Variants in ARHGAP1 observed in about 807,000 individuals in gnomAD.
ARHGAP1 encodes rho GTPase-activating protein 1.
In ARHGAP1, 23 loss-of-function variants were observed where a neutral mutation model predicts 52.2. That is an observed-to-expected ratio of 0.44 (90% CI 0.32 to 0.62). The LOEUF is 0.62. Ranked by LOEUF, ARHGAP1 falls within the 20% of genes least tolerant of loss-of-function variation. The pLI, the probability that ARHGAP1 is intolerant of heterozygous loss-of-function variation, is 0.05. For synonymous variants in ARHGAP1, 210 were observed against 228.4 expected, an observed-to-expected ratio of 0.92 and a Z score of 0.73; for missense variants, 480 against 560.9, an observed-to-expected ratio of 0.86 and a Z score of 1.46.
chr11:46,683,075 G>A (rs1293283725), intron 4 of ARHGAP1, among the ~76,000 whole-genome samples: 2 of 114,462 alleles, frequency 1.7e-5, no homozygotes, highest in Non-Finnish European at 3.4e-5. Flanking sequence ...GGGTCTTACT[G>A]TCACCCAGGC....
intron 4 of ARHGAP1, among the ~76,000 whole-genome samples, chr11:46,684,251 C>T (rs2064551703): frequency 6.6e-6 from 1 of 152,184 alleles, no homozygotes; most frequent in African/African-American, 2.4e-5. Context: ...AAAGAGATTG[C>T]ATTTTGCAAC....
chr11:46,680,488 G>A lies in ARHGAP1; in HGVS notation c.819C>T (p.His273=), dbSNP rs1182276493. ...LRETVAYLQA[H]ALTTEGIFRR... ...TGAGGAGGCAGGCCCGGCACTCACC[G>A]TGGGCCTGTAAGTAGGCAACAGTCT... Residue 273 remains histidine (H), a splice_region_variant and synonymous_variant, in exon 9 of 13, where the codon CAC becomes CAT. Transcript: ENST00000311956. This position sits in a 1 kb window ranked among gnomAD's most constrained non-coding sequence, Gnocchi z 5.9. 5.0e-6 allele frequency: 8 copies of A among 1,613,720 alleles called. No individual in the cohort carries two copies. Among genetic ancestry groups the A allele is most frequent in the South Asian group, 2.2e-5 (2 of 91,086 alleles).
chr11:46,683,236 T>A (rs1479177635), intron 4 of ARHGAP1, among the ~76,000 whole-genome samples: 1 of 151,946 alleles, frequency 6.6e-6, no homozygotes, highest in Non-Finnish European at 1.5e-5. Flanking sequence ...TAGAGACAGG[T>A]CTCACTATGT....
intron 3 of ARHGAP1, 21 bp downstream of exon 3, chr11:46,695,639 A>G (rs1565690607): frequency 2.6e-6 from 4 of 1,550,272 alleles, no homozygotes; most frequent in South Asian, 2.4e-5. Flanking sequence ...GGGTTAGGAA[A>G]ATAGTGTTGG....
Position 46,680,506 on chromosome 11 carries a change from AAC to A in ARHGAP1, c.799_800del (p.Val267CysfsTer43). ...ACTCACCGTGGGCCTGTAAGTAGGC[AAC>A]AGTCTCCCTGAGTACAATGGGAATG... ...EPIPIVLRET[V>X]AYLQAHALTT... On this transcript the variant is annotated frameshift_variant, in exon 9 of 13. Transcript: ENST00000311956. LOFTEE classifies it high-confidence loss of function. The surrounding 1 kb of genome is among the most constrained non-coding windows in gnomAD (Gnocchi z 5.9). 6.2e-7 allele frequency: 1 copy of A among 1,614,024 alleles called. No homozygotes were observed. Among genetic ancestry groups the A allele is most frequent in the Non-Finnish European group, 8.5e-7 (1 of 1,179,980 alleles).
chr11:46,695,763 A>C lies in ARHGAP1; in HGVS notation c.134-8T>G. 6.4e-7 allele frequency: 1 copy of C among 1,552,692 alleles called. No individual in the cohort carries two copies. The highest frequency in any genetic ancestry group is 8.7e-7 in the Non-Finnish European group (1 of 1,147,406). On this transcript the variant is annotated splice_polypyrimidine_tract_variant and splice_region_variant and intron_variant, in intron 2 of 12. Transcript: ENST00000311956. ...AGCTGCTTTTGGAGTCATCTGAGGA[A>C]CACAGCAGGGTCAGGGGACAAGCCA...
In ARHGAP1 at chr11:46,679,889, C is replaced by T; in HGVS notation, c.899-113G>A. On this transcript the variant is annotated intron_variant, in intron 10 of 12. Coordinates refer to ENST00000311956, the MANE Select transcript of ARHGAP1 (RefSeq NM_004308.5). The surrounding 1 kb of genome is among the most constrained non-coding windows in gnomAD (Gnocchi z 4.4). ...CCCCTGGACACTGCATAAGCCCCTC[C>T]TCCCAGGGGCGCCCTCTGACACCTG... 1.4e-6 allele frequency: 2 copies of T among 1,478,910 alleles called. No homozygotes were observed. Among genetic ancestry groups the T allele is most frequent in the Non-Finnish European group, 1.8e-6 (2 of 1,106,644 alleles). 91.6% of individuals were successfully genotyped at this position (1,478,910 alleles called of 1,614,324 possible). A position where few individuals can be genotyped will look rare whatever the true frequency, so the allele number is the denominator to read the frequency against.
At position 46,681,051 on chromosome 11, in the gene ARHGAP1, C is replaced by T. The variant is rs568708140; in HGVS notation, c.595G>A (p.Val199Met). The change falls in exon 7 of 13, where the codon GTG becomes ATG. Residue 199 changes from valine to methionine, a missense_variant. By Grantham distance (21) the Val-to-Met change is conservative (BLOSUM62 1). Coordinates refer to ENST00000311956, the MANE Select transcript of ARHGAP1 (RefSeq NM_004308.5). The surrounding 1 kb of genome is among the most constrained non-coding windows in gnomAD (Gnocchi z 5.7). ...VNYLSELSEH[V>M]KLEQLGIPRQ... ...GGGATCCCCAGCTGCTCCAGCTTCA[C>T]GTGCTCGCTCAGCTCGCTCAGGTAA... 1.3e-5 allele frequency: 21 copies of T among 1,614,214 alleles called. No individual in the cohort carries two copies. Among genetic ancestry groups the T allele is most frequent in the Non-Finnish European group, 1.5e-5 (18 of 1,180,044 alleles).
In ARHGAP1 at chr11:46,678,703, C is replaced by G. The variant is rs2064499747; in HGVS notation, c.*334G>C. On this transcript the variant is annotated 3_prime_UTR_variant, in exon 13 of 13. Transcript: ENST00000311956. Reference sequence around the variant, plus strand: ...CCCAGCCGGCAGTCATTTGATTCATCCACACTTGCTAGGGAAACAGAGGCA... The same window carrying G: ...CCCAGCCGGCAGTCATTTGATTCATGCACACTTGCTAGGGAAACAGAGGCA... 1 of 295,864 alleles carries G rather than the reference C, an allele frequency of 3.4e-6. No individual in the cohort carries two copies. The highest frequency in any genetic ancestry group is 4.8e-5 in the Admixed American group (1 of 20,654). 18.3% of individuals were successfully genotyped at this position (295,864 alleles called of 1,614,324 possible). A position where few individuals can be genotyped will look rare whatever the true frequency, so the allele number is the denominator to read the frequency against.
chr11:46,680,957 A>C lies in ARHGAP1; in HGVS notation c.635+54T>G. ...CCCCACGCGGTCTCTGAATCAGGAC[A>C]CACGTCCTCATTACCCTGGCTTCAC... is the stretch of plus-strand genomic sequence containing the variant. On this transcript the variant is annotated intron_variant, in intron 7 of 12. Coordinates refer to ENST00000311956, the MANE Select transcript of ARHGAP1 (RefSeq NM_004308.5). The surrounding 1 kb of genome is among the most constrained non-coding windows in gnomAD (Gnocchi z 5.9). 6.7e-7 allele frequency: 1 copy of C among 1,497,190 alleles called. No homozygotes were observed. 92.7% of individuals were successfully genotyped at this position (1,497,190 alleles called of 1,614,324 possible).
Position 46,680,774 on chromosome 11 carries a change from G to C in ARHGAP1, c.636-27C>G. The stretch of plus-strand genomic sequence containing the variant: ...TGTAGGAGTAGAGGGAGGTGGGTCA[G>C]GTCCTGCCTGGCTCTGGAGTCACTC... On this transcript the variant is annotated intron_variant, in intron 7 of 12. Transcript: ENST00000311956. The surrounding 1 kb of genome is among the most constrained non-coding windows in gnomAD (Gnocchi z 5.9). The C allele has an allele frequency of 6.8e-7, 1 of 1,479,608 alleles. No homozygotes were observed. The highest frequency in any genetic ancestry group is 9.1e-7 in the Non-Finnish European group (1 of 1,101,270). The allele number at this position is 1,479,608 out of a possible 1,614,324, so 91.7% of individuals were successfully genotyped here.
chr11:46,679,827 C>T lies in ARHGAP1; in HGVS notation c.899-51G>A. 5 of 1,608,848 alleles carry T rather than the reference C, an allele frequency of 3.1e-6. No homozygotes were observed. Among genetic ancestry groups the T allele is most frequent in the Non-Finnish European group, 4.2e-6 (5 of 1,178,738 alleles). ...GCTCGGCACAGCCTGAAGGGCAGCA[C>T]CCATCTGCAGACAACGCGGGCCGCA... On this transcript the variant is annotated intron_variant, in intron 10 of 12. Coordinates refer to ENST00000311956, the MANE Select transcript of ARHGAP1 (RefSeq NM_004308.5). The surrounding 1 kb of genome is among the most constrained non-coding windows in gnomAD (Gnocchi z 4.4).
chr11:46,682,615 C>A (rs1484752835), intron 4 of ARHGAP1, among the ~76,000 whole-genome samples: 1 of 152,130 alleles, frequency 6.6e-6, no homozygotes, highest in East Asian at 1.9e-4. Flanking sequence ...ACCCAGGAGG[C>A]GGAGGTTTCA....
chr11:46,696,242 C>T lies in ARHGAP1; in HGVS notation c.-49-86G>A. The T allele has an allele frequency of 1.1e-6, 1 of 885,452 alleles. No individual in the cohort carries two copies. The highest frequency in any genetic ancestry group is 1.7e-5 in the South Asian group (1 of 57,822). 54.8% of individuals were successfully genotyped at this position (885,452 alleles called of 1,614,324 possible). Reference sequence around the variant, plus strand: ...CCACCGCGTGCCCTCCTGCCCCCACCATTCCCTCTCCCAGGCTCCCTGTCC... The same window carrying T: ...CCACCGCGTGCCCTCCTGCCCCCACTATTCCCTCTCCCAGGCTCCCTGTCC... On this transcript the variant is annotated intron_variant, in intron 1 of 12. Coordinates refer to ENST00000311956, the MANE Select transcript of ARHGAP1 (RefSeq NM_004308.5). The surrounding 1 kb of genome is among the most constrained non-coding windows in gnomAD (Gnocchi z 4.8).
rs781548772 is a variant in ARHGAP1 at position 46,679,487 on chromosome 11, C to T, written c.1028-19G>A. On this transcript the variant is annotated intron_variant, in intron 11 of 12. Transcript: ENST00000311956. This position sits in a 1 kb window ranked among gnomAD's most constrained non-coding sequence, Gnocchi z 4.4. ...TCAATGTCTATGAGGAAAGGAGGCCCGGGTTATAGGGGCCCTAGGCTGGGC... is the reference window on the plus strand; with the variant it reads ...TCAATGTCTATGAGGAAAGGAGGCCTGGGTTATAGGGGCCCTAGGCTGGGC... 1.4e-5 allele frequency: 22 copies of T among 1,599,970 alleles called. No individual in the cohort carries two copies. The highest frequency in any genetic ancestry group is 9.9e-5 in the South Asian group (9 of 90,858).
rs1275299866 is a variant in ARHGAP1 at position 46,695,646 on chromosome 11, T to C, written c.229+14A>G. 2 of 1,550,814 alleles carry C rather than the reference T, an allele frequency of 1.3e-6. No individual in the cohort carries two copies. The highest frequency in any genetic ancestry group is 1.7e-4 in the Middle Eastern group (1 of 5,988). ...AGCTCTGAGGGTTAGGAAAATAGTGTTGGGTGTGCTTACCTGCCACCTCCA... is the reference window on the plus strand; with the variant it reads ...AGCTCTGAGGGTTAGGAAAATAGTGCTGGGTGTGCTTACCTGCCACCTCCA... On this transcript the variant is annotated intron_variant, in intron 3 of 12. Transcript: ENST00000311956.
At position 46,694,715 on chromosome 11, in the gene ARHGAP1, G is replaced by T. The variant is rs1031222738; in HGVS notation, c.229+945C>A. 7.2e-5 allele frequency among the ~76,000 whole-genome samples: 11 copies of T among 152,224 alleles called. No individual in the cohort carries two copies. The South Asian group carries it at 1.4e-3, about 20-fold the overall frequency. Reference sequence around the variant, plus strand: ...AAAACTCTCAGCTTTGCTTCTGCAGGGGGTGAATGAGGCCAGAGCCAAGGC... The same window carrying T: ...AAAACTCTCAGCTTTGCTTCTGCAGTGGGTGAATGAGGCCAGAGCCAAGGC... On this transcript the variant is annotated intron_variant, in intron 3 of 12. Coordinates refer to ENST00000311956, the MANE Select transcript of ARHGAP1 (RefSeq NM_004308.5).
chr11:46,679,184 G>A lies in ARHGAP1; in HGVS notation c.1173C>T (p.Asn391=), dbSNP rs760794242. The change falls in exon 13 of 13, where the codon AAC becomes AAT. Residue 391 remains asparagine, a synonymous_variant. Transcript: ENST00000311956. This position sits in a 1 kb window ranked among gnomAD's most constrained non-coding sequence, Gnocchi z 4.4. ...HSDQNKMTNT[N]LAVVFGPNLL... is the part of the protein sequence containing the mutation. ...GGTTAGGGCCGAAAACAACAGCCAG[G>A]TTAGTGTTGGTCATCTTGTTCTGGT... 1.9e-6 allele frequency: 3 copies of A among 1,612,082 alleles called. No individual in the cohort carries two copies. The Admixed American group carries it at 5.0e-5, about 27-fold the overall frequency.
At chr11:46,692,039 G>A (rs1342358864) in intron 3 of ARHGAP1, among the ~76,000 whole-genome samples, 2 of 152,190 alleles carry the variant, frequency 1.3e-5, no homozygotes, top group Non-Finnish European at 2.9e-5. Flanking sequence ...ATCCCGGCAG[G>A]TCTGTTTTGA....
Sources: gnomAD v4.1 joint callset for allele counts (sites outside exome capture counted in the v4.1 genomes callset) on GRCh38, gnomAD v4.1.1 for gene constraint, Gnocchi (gnomAD v3.1) non-coding constraint, MANE v1.5 for transcripts, NCBI Gene and HGNC (gene_info 2026-07-23, HGNC 2026-07-21) for gene names.